Variants in BAZ2B observed in about 807,000 individuals in gnomAD.
BAZ2B encodes bromodomain adjacent to zinc finger domain 2B.
A neutral mutation model predicts 246.0 loss-of-function variants in BAZ2B; 91 were observed. The ratio of observed to expected loss-of-function variants is 0.37; its 90% CI spans 0.31 to 0.44. The LOEUF (loss-of-function observed/expected upper bound fraction) is 0.44. Ranked by LOEUF, BAZ2B falls within the 20% of genes least tolerant of loss-of-function variation. BAZ2B has a pLI of 1.00. For synonymous variants in BAZ2B, 855 were observed against 860.0 expected (o/e 0.99, Z 0.10); for missense variants, 2,332 against 2,533.7 (o/e 0.92, Z 1.71).
intron 34 of BAZ2B, among the ~76,000 whole-genome samples, chr2:159,330,859 A>C (rs13017002): frequency 6.6e-6 from 1 of 151,980 alleles, no homozygotes; most frequent in African/African-American, 2.4e-5. Flanking sequence ...ATTCTGTCTT[A>C]AAAAACAAAG....
intron 24 of BAZ2B, 50 bp from the exon 25 acceptor site, chr2:159,382,852 T>C (rs754644429): frequency 3.2e-6 from 5 of 1,583,536 alleles, no homozygotes; most frequent in African/African-American, 1.4e-5. Flanking sequence ...CTTCTCAATA[T>C]ACTTTTAAAA....
intron 27 of BAZ2B, among the ~76,000 whole-genome samples, chr2:159,351,625 T>C (rs1274770753): frequency 3.3e-5 from 5 of 152,220 alleles, no homozygotes; most frequent in Admixed American, 1.3e-4. Context: ...AACTGGATGC[T>C]GTCAGTATTT....
intron 2 of BAZ2B, among the ~76,000 whole-genome samples, chr2:159,505,341 G>C (rs975042529): frequency 6.6e-6 from 1 of 152,006 alleles, no homozygotes. Context: ...AAACACATGG[G>C]GGATCTCAAA....
intron 1 of BAZ2B, among the ~76,000 whole-genome samples, chr2:159,583,525 G>A (rs1687329087): frequency 6.6e-6 from 1 of 152,160 alleles, no homozygotes; most frequent in African/African-American, 2.4e-5. Context: ...GAAGCTTACA[G>A]TCAAGTGGAA....
intron 2 of BAZ2B, among the ~76,000 whole-genome samples, chr2:159,496,526 T>TG (rs2081168035): frequency 7.0e-6 from 1 of 143,872 alleles, no homozygotes; most frequent in African/African-American, 2.6e-5. Context: ...GGCTCATGCC[T>TG]TAATCCCAGC....
chr2:159,332,781 T>G, intron 33 of BAZ2B, 95 bp from the exon 34 acceptor site: 1 of 1,356,692 alleles, frequency 7.4e-7, no homozygotes, highest in African/African-American at 1.5e-5. Context: ...TTTATATTAG[T>G]AATGAACATT....
At chr2:159,539,263 T>G (rs1333597123) in intron 2 of BAZ2B, among the ~76,000 whole-genome samples, 1 of 152,218 alleles carries the variant, frequency 6.6e-6, no homozygotes, top group Non-Finnish European at 1.5e-5. Flanking sequence ...ATTTTCTACT[T>G]TTATAAATTT....
At chr2:159,544,488 T>TCA in intron 2 of BAZ2B, among the ~76,000 whole-genome samples, 1 of 152,200 alleles carries the variant, frequency 6.6e-6, no homozygotes, top group Non-Finnish European at 1.5e-5. Flanking sequence ...ATACAGGGAA[T>TCA]ATATAAAGAG....
At chr2:159,603,591 C>G (rs1210202800) in intron 1 of BAZ2B, among the ~76,000 whole-genome samples, 1 of 151,936 alleles carries the variant, frequency 6.6e-6, no homozygotes, top group East Asian at 1.9e-4. Flanking sequence ...GCCCCTGTAT[C>G]TTCATTCACC....
chr2:159,446,581 G>C (rs1370243271), intron 6 of BAZ2B, among the ~76,000 whole-genome samples: 1 of 152,172 alleles, frequency 6.6e-6, no homozygotes, highest in Non-Finnish European at 1.5e-5. Context: ...GAGCTGATAT[G>C]CAGTGAATTC....
At chr2:159,682,188 GC>G in the BAZ2B span, among the ~76,000 whole-genome samples, 1 of 133,562 alleles carries the variant, frequency 7.5e-6, no homozygotes. Flanking sequence ...TCCTGCTCAG[GC>G]TCTTTTTTTT....
intron 1 of BAZ2B, among the ~76,000 whole-genome samples, chr2:159,561,959 T>C (rs1173850056): frequency 6.6e-6 from 1 of 152,218 alleles, no homozygotes; most frequent in Non-Finnish European, 1.5e-5. Context: ...TTTAAACCTC[T>C]TCAGATTGCA....
chr2:159,570,941 C>T (rs992279313), intron 1 of BAZ2B, among the ~76,000 whole-genome samples: 2 of 152,172 alleles, frequency 1.3e-5, no homozygotes, highest in African/African-American at 2.4e-5. Context: ...GCAACCTCCT[C>T]CTCCTGGGTT....
At chr2:159,552,190 C>A (rs1195949948) in intron 2 of BAZ2B, among the ~76,000 whole-genome samples, 1 of 152,150 alleles carries the variant, frequency 6.6e-6, no homozygotes, top group Non-Finnish European at 1.5e-5. Flanking sequence ...CATTCTAGTT[C>A]TCTGACTCCC....
intron 13 of BAZ2B, among the ~76,000 whole-genome samples, chr2:159,416,140 A>G (rs1470402927): frequency 2.0e-5 from 3 of 152,220 alleles, no homozygotes; most frequent in African/African-American, 7.2e-5. Context: ...TGTCAAGAAA[A>G]GACCGTCAGA....
intron 13 of BAZ2B, among the ~76,000 whole-genome samples, chr2:159,424,822 T>C (rs1027390406): frequency 6.6e-6 from 1 of 152,210 alleles, no homozygotes; most frequent in African/African-American, 2.4e-5. Context: ...AAACACAATG[T>C]AAATGTTATG....
At chr2:159,681,842 T>C in the BAZ2B span, among the ~76,000 whole-genome samples, 1 of 152,114 alleles carries the variant, frequency 6.6e-6, no homozygotes, top group African/African-American at 2.4e-5. Context: ...GGAGAATCAC[T>C]TGAACCCAGG....
intron 1 of BAZ2B, among the ~76,000 whole-genome samples, chr2:159,612,833 G>A (rs2151824399): frequency 6.6e-6 from 1 of 152,230 alleles, no homozygotes; most frequent in East Asian, 1.9e-4. Context: ...ACATCAGGAT[G>A]TTTGGCAAAA....
chr2:159,466,672 G>A (rs1177965448), intron 3 of BAZ2B, among the ~76,000 whole-genome samples: 2 of 152,132 alleles, frequency 1.3e-5, no homozygotes, highest in African/African-American at 4.8e-5. Flanking sequence ...TTATTATAAG[G>A]AATCGAGATT....
Sources: gnomAD v4.1 joint callset for allele counts (sites outside exome capture counted in the v4.1 genomes callset) on GRCh38, gnomAD v4.1.1 for gene constraint, MANE v1.5 for transcripts, NCBI Gene and HGNC (gene_info 2026-07-23, HGNC 2026-07-21) for gene names.